Variants in RAPGEF6 observed in about 807,000 individuals in gnomAD.
RAPGEF6 encodes PDZ domain containing guanine nucleotide exchange factor (GEF) 2.
RAPGEF6 carries 56 observed loss-of-function variants against 171.4 expected under a neutral mutation model. That is an observed-to-expected ratio of 0.33 (90% CI 0.26 to 0.41). RAPGEF6 has a LOEUF of 0.41. Among genes scored for constraint, RAPGEF6 ranks in the 10% least tolerant of loss-of-function variants. The pLI is 1.00. For synonymous variants in RAPGEF6, 692 were observed against 650.1 expected, an observed-to-expected ratio of 1.06 and a Z score of -0.98; for missense variants, 1,674 against 1,921.4, an observed-to-expected ratio of 0.87 and a Z score of 2.41.
At chr5:131,614,143 G>A (rs1426482412) in intron 1 of RAPGEF6, among the ~76,000 whole-genome samples, 13 of 151,844 alleles carry the variant, frequency 8.6e-5, no homozygotes, top group Admixed American at 2.6e-4. Context: ...TTAGCTGAGC[G>A]TGGTGGCAGG....
At chr5:131,630,484 T>C (rs572228580) in intron 1 of RAPGEF6, among the ~76,000 whole-genome samples, 69 of 152,254 alleles carry the variant, frequency 4.5e-4, no homozygotes, top group South Asian at 1.0e-3. Context: ...ACCTTAACAG[T>C]TTTTGTTGTT....
intron 21 of RAPGEF6, among the ~76,000 whole-genome samples, chr5:131,450,556 T>C (rs1342790571): frequency 2.0e-5 from 3 of 152,072 alleles, no homozygotes; most frequent in Non-Finnish European, 4.4e-5. Flanking sequence ...GACCAGCAAA[T>C]CCAACTTAAA....
At chr5:131,588,669 G>A (rs1011329674) in intron 4 of RAPGEF6, among the ~76,000 whole-genome samples, 1 of 152,094 alleles carries the variant, frequency 6.6e-6, no homozygotes, top group African/African-American at 2.4e-5. Context: ...CTTGAACCTG[G>A]GAGGCAGAGG....
rs540944928 is a variant in RAPGEF6, at chr5:131,612,674, T to C, written c.70-7981A>G. Among the ~76,000 whole-genome samples, 10 of 152,254 alleles carry C rather than the reference T, an allele frequency of 6.6e-5. No homozygotes were observed. In the East Asian group the frequency reaches 1.5e-3, roughly 24 times the overall value. On this transcript the variant is annotated intron_variant, in intron 1 of 27. Coordinates refer to ENST00000509018, the MANE Select transcript of RAPGEF6 (RefSeq NM_016340.6). ...GGCAAACAAGTTCTGAAAATTGTAA[T>C]ACACAAAAGTTAGGTTATGGCAAAC...
At chr5:131,612,372 C>T (rs951509981) in intron 1 of RAPGEF6, among the ~76,000 whole-genome samples, 2 of 151,992 alleles carry the variant, frequency 1.3e-5, no homozygotes. Context: ...TTTTGCCCAA[C>T]TGTAGGCTAA....
chr5:131,551,012 T>C (rs1356035382), intron 5 of RAPGEF6, among the ~76,000 whole-genome samples: 2 of 152,264 alleles, frequency 1.3e-5, no homozygotes, highest in African/African-American at 4.8e-5. Flanking sequence ...GTTCACCTAA[T>C]ATTCAAGACA....
In RAPGEF6 at chr5:131,431,334, C is replaced by G. The variant is rs747599621; in HGVS notation, c.3990G>C (p.Lys1330Asn). ...CAGCTAAACACTTGATTAGAGATGG[C>G]TTCAAGAGTGTCCACCTAAAATTGG... is the stretch of plus-strand genomic sequence containing the variant. ...SQHGPGWTLL[K>N]PSLIKCLAVS... Residue 1330 changes from lysine to asparagine, a missense_variant, in exon 26 of 28, where the codon AAG (lysine) becomes AAC (asparagine). Lys to Asn is a moderately conservative substitution (Grantham distance 94). Coordinates refer to ENST00000509018, the MANE Select transcript of RAPGEF6 (RefSeq NM_016340.6). 53 of 1,592,964 alleles carry G rather than the reference C, an allele frequency of 3.3e-5. No individual in the cohort carries two copies. The highest frequency in any genetic ancestry group is 3.9e-5 in the Non-Finnish European group (46 of 1,164,672).
At chr5:131,513,624 G>A (rs552678096) in intron 7 of RAPGEF6, among the ~76,000 whole-genome samples, 109 of 152,276 alleles carry the variant, frequency 7.2e-4, no homozygotes, top group African/African-American at 2.4e-3. Context: ...GGAAGTCATG[G>A]GTTGGGACTG....
intron 6 of RAPGEF6, among the ~76,000 whole-genome samples, chr5:131,542,100 T>C (rs1018241209): frequency 7.9e-5 from 12 of 152,224 alleles, no homozygotes; most frequent in African/African-American, 2.9e-4. Context: ...ATTGTCTGAT[T>C]GTTCTAACTT....
chr5:131,524,624 GAGAGAGAGA>G, intron 6 of RAPGEF6, among the ~76,000 whole-genome samples: 1 of 150,932 alleles, frequency 6.6e-6, no homozygotes, highest in Non-Finnish European at 1.5e-5. Context: ...GAGAGAGAGA[GAGAGAGAGA>G]GAGAGAGAGA....
intron 21 of RAPGEF6, among the ~76,000 whole-genome samples, chr5:131,451,915 T>C (rs1753105233): frequency 6.6e-6 from 1 of 152,134 alleles, no homozygotes. Context: ...CAATGTCTTA[T>C]TTACACCCTG....
chr5:131,627,994 C>T (rs1766049614), intron 1 of RAPGEF6, among the ~76,000 whole-genome samples: 2 of 152,228 alleles, frequency 1.3e-5, no homozygotes, highest in African/African-American at 2.4e-5. Flanking sequence ...AACTGTTCCA[C>T]TGGCTGTTCC....
At chr5:131,574,385 G>A (rs935140137) in intron 4 of RAPGEF6, among the ~76,000 whole-genome samples, 7 of 152,150 alleles carry the variant, frequency 4.6e-5, no homozygotes, top group African/African-American at 9.7e-5. Flanking sequence ...CATGGATGCC[G>A]AGCTTCGGGT....
chr5:131,548,584 A>T (rs1760706179), intron 5 of RAPGEF6, among the ~76,000 whole-genome samples: 1 of 152,260 alleles, frequency 6.6e-6, no homozygotes, highest in South Asian at 2.1e-4. Context: ...GTTAATTGTT[A>T]AAAAGTAAAA....
At chr5:131,632,461 T>C (rs1324376461) in intron 1 of RAPGEF6, among the ~76,000 whole-genome samples, 2 of 152,228 alleles carry the variant, frequency 1.3e-5, no homozygotes, top group East Asian at 3.8e-4. Context: ...CCCTTGCCCC[T>C]TGCTTTCAAT....
chr5:131,578,678 AC>A (rs1232188309), intron 4 of RAPGEF6, among the ~76,000 whole-genome samples: 2 of 152,190 alleles, frequency 1.3e-5, no homozygotes, highest in African/African-American at 4.8e-5. Context: ...GCAAACTTCC[AC>A]CGTCCAAATG....
At chr5:131,454,184 G>A (rs754292704) in intron 20 of RAPGEF6, among the ~76,000 whole-genome samples, 12 of 152,174 alleles carry the variant, frequency 7.9e-5, no homozygotes, top group African/African-American at 1.9e-4. Context: ...ACTCTGAAGA[G>A]CTATATCCTG....
intron 3 of RAPGEF6, among the ~76,000 whole-genome samples, chr5:131,594,276 A>G (rs1345780448): frequency 6.6e-6 from 1 of 152,250 alleles, no homozygotes; most frequent in African/African-American, 2.4e-5. Context: ...AGGGGCCAAC[A>G]GTATAGCTCA....
intron 15 of RAPGEF6, among the ~76,000 whole-genome samples, chr5:131,481,101 T>A (rs1253985373): frequency 6.6e-6 from 1 of 151,728 alleles, no homozygotes; most frequent in Non-Finnish European, 1.5e-5. Flanking sequence ...AATTTTGTAT[T>A]TTTAGTAGAG....
Sources: gnomAD v4.1 joint callset for allele counts (sites outside exome capture counted in the v4.1 genomes callset) on GRCh38, gnomAD v4.1.1 for gene constraint, MANE v1.5 for transcripts, NCBI Gene and HGNC (gene_info 2026-07-23, HGNC 2026-07-21) for gene names.